KIAA1328: variants seen among roughly 807,000 people sequenced by gnomAD.
The protein encoded by KIAA1328 is protein hinderin.
A neutral mutation model predicts 68.1 loss-of-function variants in KIAA1328; 52 were observed. That is an observed-to-expected ratio of 0.76 (90% CI 0.61 to 0.96). The LOEUF (loss-of-function observed/expected upper bound fraction) is 0.96, where lower values mean the gene tolerates loss of function less well. Among genes scored for constraint, KIAA1328 ranks in the 40% least tolerant of loss-of-function variants. The pLI is 0.00. For missense variants in KIAA1328, 641 were observed against 677.6 expected (o/e 0.95, Z 0.60); for synonymous variants, 232 against 239.4 (o/e 0.97, Z 0.28).
intron 6 of KIAA1328, among the ~76,000 whole-genome samples, chr18:36,959,689 C>T (rs2051578265): frequency 6.6e-6 from 1 of 152,124 alleles, no homozygotes; most frequent in South Asian, 2.1e-4. Context: ...TATGAAAGCA[C>T]AGCCAGAAGG....
chr18:36,981,154 T>C (rs577398334), intron 6 of KIAA1328, among the ~76,000 whole-genome samples: 2 of 152,290 alleles, frequency 1.3e-5, no homozygotes, highest in East Asian at 3.9e-4. Context: ...AAATTCATAA[T>C]TTATAGGGCA....
chr18:36,942,114 G>A (rs1250446070), intron 5 of KIAA1328, among the ~76,000 whole-genome samples: 1 of 152,140 alleles, frequency 6.6e-6, no homozygotes, highest in African/African-American at 2.4e-5. Flanking sequence ...TGCTGAAGTG[G>A]GATATAAAGT....
At chr18:37,076,859 A>C (rs963208704) in intron 7 of KIAA1328, among the ~76,000 whole-genome samples, 2 of 152,080 alleles carry the variant, frequency 1.3e-5, no homozygotes, top group African/African-American at 4.8e-5. Flanking sequence ...ACCAACCAAA[A>C]AGAGTCCAGG....
chr18:36,966,440 A>G (rs2051941623), intron 6 of KIAA1328, among the ~76,000 whole-genome samples: 1 of 152,210 alleles, frequency 6.6e-6, no homozygotes, highest in South Asian at 2.1e-4. Context: ...GTGTGTGTGT[A>G]CATTTGTGTA....
At chr18:37,058,729 AAAAT>A (rs766151556) in intron 6 of KIAA1328, among the ~76,000 whole-genome samples, 82 of 152,038 alleles carry the variant, frequency 5.4e-4, no homozygotes, top group Non-Finnish European at 9.9e-4. Context: ...AAATTTTAAT[AAAAT>A]AAATAAATAA....
At chr18:37,204,340 G>C (rs1179926835) in intron 9 of KIAA1328, among the ~76,000 whole-genome samples, 1 of 152,138 alleles carries the variant, frequency 6.6e-6, no homozygotes, top group African/African-American at 2.4e-5. Flanking sequence ...ATTTACCAAA[G>C]ATTACTAAGT....
In KIAA1328 at chr18:36,992,969, G is replaced by A. The variant is rs183863573; in HGVS notation, c.576+33534G>A. Reference sequence around the variant, plus strand: ...AAATACCAAAAAAATCAGTTGGGTGGAGTGGTGTGCACCTGTAGTCCCAGC... The same window carrying A: ...AAATACCAAAAAAATCAGTTGGGTGAAGTGGTGTGCACCTGTAGTCCCAGC... On this transcript the variant is annotated intron_variant, in intron 6 of 9. Coordinates refer to ENST00000280020, the MANE Select transcript of KIAA1328 (RefSeq NM_020776.3). Among the ~76,000 whole-genome samples, 5 of 152,132 alleles carry A rather than the reference G, an allele frequency of 3.3e-5. No homozygotes were observed. The East Asian group carries it at 9.7e-4, about 30-fold the overall frequency.
At chr18:36,910,222 C>T (rs1388020775) in intron 5 of KIAA1328, among the ~76,000 whole-genome samples, 1 of 151,962 alleles carries the variant, frequency 6.6e-6, no homozygotes, top group Non-Finnish European at 1.5e-5. Context: ...ATGGTATTGC[C>T]TAGGTTTTCT....
chr18:37,001,843 A>C (rs751566669), intron 6 of KIAA1328, among the ~76,000 whole-genome samples: 1 of 152,188 alleles, frequency 6.6e-6, no homozygotes, highest in African/African-American at 2.4e-5. Context: ...CCAGGTTAGA[A>C]GTAAAATACT....
intron 9 of KIAA1328, among the ~76,000 whole-genome samples, chr18:37,189,343 GA>G (rs770392996): frequency 6.6e-6 from 1 of 151,766 alleles, no homozygotes; most frequent in Admixed American, 6.6e-5. Context: ...AACATGGTGG[GA>G]AAAAAAGTCA....
intron 5 of KIAA1328, among the ~76,000 whole-genome samples, chr18:36,936,684 C>T (rs546385640): frequency 2.4e-4 from 36 of 152,246 alleles, no homozygotes; most frequent in Non-Finnish European, 4.1e-4. Context: ...CTTGAGGAAT[C>T]GCCATACCGT....
intron 5 of KIAA1328, among the ~76,000 whole-genome samples, chr18:36,910,922 A>G (rs2049420485): frequency 6.6e-6 from 1 of 152,186 alleles, no homozygotes; most frequent in South Asian, 2.1e-4. Context: ...AAGAATGAAG[A>G]GTCTGAAACT....
chr18:37,225,423 CA>C (rs1396380912), downstream of KIAA1328: 1 of 518,110 alleles, frequency 1.9e-6, no homozygotes. Flanking sequence ...TGCAGGTTAT[CA>C]AAATGTTATT....
chr18:37,182,016 A>C (rs1459976499), intron 9 of KIAA1328, among the ~76,000 whole-genome samples: 1 of 152,156 alleles, frequency 6.6e-6, no homozygotes, highest in East Asian at 1.9e-4. Flanking sequence ...TCCTTTGTCA[A>C]CCCAGCAATA....
intron 8 of KIAA1328, among the ~76,000 whole-genome samples, chr18:37,162,550 AC>A (rs1165286038): frequency 6.6e-6 from 1 of 152,164 alleles, no homozygotes; most frequent in Admixed American, 6.5e-5. Context: ...TTGCTGTGGC[AC>A]CCAACCAAAT....
At chr18:37,013,815 T>G (rs1317892218) in intron 6 of KIAA1328, among the ~76,000 whole-genome samples, 2 of 152,224 alleles carry the variant, frequency 1.3e-5, no homozygotes, top group East Asian at 3.9e-4. Flanking sequence ...TGCAAGTACA[T>G]GTGCCTTTTT....
intron 4 of KIAA1328, among the ~76,000 whole-genome samples, chr18:36,884,470 A>G (rs1380485817): frequency 6.6e-6 from 1 of 152,218 alleles, no homozygotes; most frequent in African/African-American, 2.4e-5. Flanking sequence ...TTTCAAAGAT[A>G]AGATACAATC....
chr18:37,152,569 G>T (rs938723466), intron 7 of KIAA1328, among the ~76,000 whole-genome samples: 11 of 152,012 alleles, frequency 7.2e-5, no homozygotes, highest in African/African-American at 2.4e-4. Flanking sequence ...ACAATCCTTC[G>T]TTTTGTTGGG....
intron 6 of KIAA1328, among the ~76,000 whole-genome samples, chr18:36,984,419 TACA>T (rs1326636207): frequency 6.6e-6 from 1 of 152,196 alleles, no homozygotes; most frequent in Admixed American, 6.5e-5. Flanking sequence ...AGTTATAGGA[TACA>T]ACATCAGTGT....
Sources: gnomAD v4.1 joint callset for allele counts (sites outside exome capture counted in the v4.1 genomes callset) on GRCh38, gnomAD v4.1.1 for gene constraint, MANE v1.5 for transcripts, NCBI Gene and HGNC (gene_info 2026-07-23, HGNC 2026-07-21) for gene names.